The following ZNF570 variants were observed in gnomAD, a reference collection of about 807,000 sequenced individuals.
ZNF570 encodes zinc finger protein 570.
In ZNF570, 8 loss-of-function variants were observed where a neutral mutation model predicts 14.2. The ratio of observed to expected loss-of-function variants is 0.56; its 90% CI spans 0.33 to 1.02. The LOEUF is 1.02. Ranked by LOEUF, ZNF570 falls within the 50% of genes least tolerant of loss-of-function variation. The pLI, the probability that ZNF570 is intolerant of heterozygous loss-of-function variation, is 0.03. For missense variants in ZNF570, 559 were observed against 624.9 expected (o/e 0.89, Z 1.12); for synonymous variants, 202 against 207.6 (o/e 0.97, Z 0.23).
In ZNF570 at chr19:37,485,396, C is replaced by A; in HGVS notation, c.*163C>A. 1 of 666,114 alleles carries A rather than the reference C, an allele frequency of 1.5e-6. No homozygotes were observed. The highest frequency in any genetic ancestry group is 2.3e-6 in the Non-Finnish European group (1 of 440,134). The allele number at this position is 666,114 out of a possible 1,614,324, so 41.3% of individuals were successfully genotyped here. The stretch of plus-strand genomic sequence containing the variant: ...ATCCATTTCCCACAATGCACTCAAA[C>A]GGATCTTTTTTTTCTTTTTTTTTCT... On this transcript the variant is annotated 3_prime_UTR_variant, in exon 5 of 5. Coordinates refer to ENST00000330173, the MANE Select transcript of ZNF570 (RefSeq NM_144694.5).
In ZNF570 at chr19:37,484,159, A is replaced by C. The variant is rs1354770560; in HGVS notation, c.537A>C (p.Thr179=). The C allele has an allele frequency of 6.2e-7, 1 of 1,613,658 alleles. No homozygotes were observed. Among genetic ancestry groups the C allele is most frequent in the African/African-American group, 1.3e-5 (1 of 74,884 alleles). Residue 179 remains threonine, a synonymous_variant, in exon 5 of 5, where the codon ACA becomes ACC. Transcript: ENST00000330173. ...TTCATCAGAACCCACTGCTTTGTAC[A>C]CAAAAGATAATCCCCAAAGAGGAGA... is the stretch of plus-strand genomic sequence containing the variant. ...GSFHQNPLLC[T]QKIIPKEEKV...
At position 37,486,958 on chromosome 19, in the gene ZNF570, C is replaced by G. The variant is rs1458060159; in HGVS notation, c.*1725C>G. The G allele has an allele frequency of 1.3e-5, 2 of 152,186 alleles. No individual in the cohort carries two copies. The highest frequency in any genetic ancestry group is 1.3e-4 in the Admixed American group (2 of 15,268). 9.4% of individuals were successfully genotyped at this position (152,186 alleles called of 1,614,324 possible). The stretch of plus-strand genomic sequence containing the variant: ...GTAGCTCATTCCTGTAATCCCAGCA[C>G]TTTGGGAGGCCGAGGTGGGTGGATT... On this transcript the variant is annotated 3_prime_UTR_variant, in exon 5 of 5. Coordinates refer to ENST00000330173, the MANE Select transcript of ZNF570 (RefSeq NM_144694.5).
rs1398551136 is a variant in ZNF570 at position 37,484,253 on chromosome 19, G to A, written c.631G>A (p.Val211Ile). The A allele has an allele frequency of 6.2e-7, 1 of 1,613,794 alleles. No homozygotes were observed. Among genetic ancestry groups the A allele is most frequent in the Non-Finnish European group, 8.5e-7 (1 of 1,179,966 alleles). ...KNLMAIKPKS[V>I]CAEKKLLKCN... ...TTTAATGGCTATTAAGCCCAAGAGT[G>A]TCTGTGCAGAGAAGAAACTTTTGAA... is the stretch of plus-strand genomic sequence containing the variant. The change falls in exon 5 of 5, where the codon GTC (valine) becomes ATC (isoleucine). Residue 211 changes from valine (V) to isoleucine (I), a missense_variant. Transcript: ENST00000330173.
chr19:37,468,060 A>T (rs1600368130), upstream of ZNF570: 6 of 760,034 alleles, frequency 7.9e-6, no homozygotes, highest in Non-Finnish European at 1.3e-5. Context: ...TAACTTCTCT[A>T]TGCCTTTCGT....
chr19:37,484,390 C>T lies in ZNF570; in HGVS notation c.768C>T (p.Ser256=), dbSNP rs752060142. 1.2e-6 allele frequency: 2 copies of T among 1,613,998 alleles called. No homozygotes were observed. The highest frequency in any genetic ancestry group is 1.7e-6 in the Non-Finnish European group (2 of 1,179,990). The change falls in exon 5 of 5, where the codon AGC becomes AGT. Residue 256 remains serine (S), a synonymous_variant. Coordinates refer to ENST00000330173, the MANE Select transcript of ZNF570 (RefSeq NM_144694.5). ...GTATAGAGTGTGGAAAAGCCTTCAG[C>T]CAGAGATCAAATCTTGTTCAACATC... ...YKCIECGKAF[S]QRSNLVQHQR... is the part of the protein sequence containing the mutation.
chr19:37,468,676 T>G (rs2041894775), upstream of ZNF570, among the ~76,000 whole-genome samples: 1 of 152,162 alleles, frequency 6.6e-6, no homozygotes, highest in South Asian at 2.1e-4. Flanking sequence ...CGGCTAATTT[T>G]TTTGTATTTT....
At position 37,485,040 on chromosome 19, in the gene ZNF570, C is replaced by G. The variant is rs140841927; in HGVS notation, c.1418C>G (p.Thr473Ser). The change falls in exon 5 of 5, where the codon ACT (threonine) becomes AGT (serine). Residue 473 changes from threonine (T) to serine (S), a missense_variant. Transcript: ENST00000330173. ...ACTGGAGAGAAACCTTATGAATGTA[C>G]TGTTTGTGGAAAGGCTTTTAGTTAC... is the stretch of plus-strand genomic sequence containing the variant. ...VHTGEKPYEC[T>S]VCGKAFSYCG... 6.2e-7 allele frequency: 1 copy of G among 1,613,504 alleles called. No homozygotes were observed. Among genetic ancestry groups the G allele is most frequent in the African/African-American group, 1.3e-5 (1 of 74,730 alleles).
At chr19:37,472,194 G>A (rs1001935843) in intron 2 of ZNF570, among the ~76,000 whole-genome samples, 5 of 151,998 alleles carry the variant, frequency 3.3e-5, no homozygotes, top group East Asian at 1.9e-4. Context: ...ATGAGCCATC[G>A]CACTCGGCCC....
In ZNF570 at chr19:37,484,496, C is replaced by T. The variant is rs1228614234; in HGVS notation, c.874C>T (p.His292Tyr). The T allele has an allele frequency of 2.5e-6, 4 of 1,613,940 alleles. No individual in the cohort carries two copies. The highest frequency in any genetic ancestry group is 2.5e-6 in the Non-Finnish European group (3 of 1,179,940). ...CAGTCAGAATGCACACCTAGTTCAACATCTGCGAGTTCATACTGGAGAAAA... is the reference window on the plus strand; with the variant it reads ...CAGTCAGAATGCACACCTAGTTCAATATCTGCGAGTTCATACTGGAGAAAA... ...AFSQNAHLVQ[H>Y]LRVHTGEKPY... is the part of the protein sequence containing the mutation. The change falls in exon 5 of 5, where the codon CAT becomes TAT. Residue 292 changes from histidine to tyrosine, a missense_variant. Coordinates refer to ENST00000330173, the MANE Select transcript of ZNF570 (RefSeq NM_144694.5).
At chr19:37,472,878 T>C (rs2041984329) in intron 2 of ZNF570, among the ~76,000 whole-genome samples, 2 of 151,920 alleles carry the variant, frequency 1.3e-5, no homozygotes, top group South Asian at 4.1e-4. Flanking sequence ...AATTTGAAGA[T>C]GAATAGAGAA....
upstream of ZNF570, chr19:37,469,217 C>T: frequency 2.3e-6 from 3 of 1,313,468 alleles, no homozygotes; most frequent in East Asian, 3.2e-5. Context: ...TGTTACAAAC[C>T]CTGCGCGGAG....
In ZNF570 at chr19:37,476,359, A is replaced by T. The variant is rs750208460; in HGVS notation, c.181A>T (p.Ser61Cys). The T allele has an allele frequency of 6.2e-7, 1 of 1,613,912 alleles. No homozygotes were observed. Among genetic ancestry groups the T allele is most frequent in the Non-Finnish European group, 8.5e-7 (1 of 1,179,946 alleles). ...TGCAGGACTTTGCTTTTCCAAACCA[A>T]GTGTGATATTATTGTTGGAACAAGG... ...VSLGLCFSKPSVILLLEQGKA... is the reference protein window; with the variant it reads ...VSLGLCFSKPCVILLLEQGKA... Residue 61 changes from serine (S) to cysteine (C), a missense_variant, in exon 4 of 5, where the codon AGT (serine) becomes TGT (cysteine). Physicochemically the swap from Ser to Cys is moderately radical, Grantham distance 112. Transcript: ENST00000330173.
rs1442490296 is a variant in ZNF570, at chr19:37,484,607, C to T, written c.985C>T (p.Pro329Ser). The change falls in exon 5 of 5, where the codon CCC becomes TCC. Residue 329 changes from proline to serine, a missense_variant. Physicochemically the swap from Pro to Ser is moderately conservative, Grantham distance 74. Coordinates refer to ENST00000330173, the MANE Select transcript of ZNF570 (RefSeq NM_144694.5). Reference protein sequence around the residue: ...QHQRVHTGEKPYECIECGKAF... With the variant: ...QHQRVHTGEKSYECIECGKAF... ...TCAGAGAGTTCACACGGGAGAGAAA[C>T]CCTATGAATGTATCGAATGTGGGAA... 2 of 1,613,832 alleles carry T rather than the reference C, an allele frequency of 1.2e-6. No homozygotes were observed. The highest frequency in any genetic ancestry group is 1.1e-5 in the South Asian group (1 of 91,070).
intron 4 of ZNF570, among the ~76,000 whole-genome samples, chr19:37,482,628 C>T (rs541966556): frequency 6.6e-6 from 1 of 152,164 alleles, no homozygotes; most frequent in African/African-American, 2.4e-5. Flanking sequence ...AGCTGTATTA[C>T]CATCTGTTAC....
Position 37,470,757 on chromosome 19 carries a change from G to A in ZNF570, c.33+370G>A, listed in dbSNP as rs138770603. Among the ~76,000 whole-genome samples, 956 of 137,418 alleles carry A rather than the reference G, an allele frequency of 7.0e-3. 4 individuals carry two copies. Among genetic ancestry groups the A allele is most frequent in the Non-Finnish European group, 8.8e-3 (580 of 66,046 alleles). 90.2% of individuals were successfully genotyped at this position (137,418 alleles called of 152,430 possible). ...CACTCTGTTGCCAGGCTGGAGTGCA[G>A]TGGCGCAATATGGCTCACGGCAACA... is the stretch of plus-strand genomic sequence containing the variant. On this transcript the variant is annotated intron_variant, in intron 2 of 4. Transcript: ENST00000330173.
rs149665742 is a variant in ZNF570 at position 37,485,089 on chromosome 19, G to C, written c.1467G>C (p.Gln489His). 28 of 1,613,950 alleles carry C rather than the reference G, an allele frequency of 1.7e-5. No individual in the cohort carries two copies. The African/African-American group carries it at 3.6e-4, about 21-fold the overall frequency. ...FSYCGSLAQH[Q>H]RIHTGERPYE... is the part of the protein sequence containing the mutation. ...ACTGTGGATCCCTTGCCCAACATCA[G>C]AGAATTCATACTGGAGAGAGACCCT... Residue 489 changes from glutamine (Q) to histidine (H), a missense_variant, in exon 5 of 5, where the codon CAG becomes CAC. Coordinates refer to ENST00000330173, the MANE Select transcript of ZNF570 (RefSeq NM_144694.5).
chr19:37,471,098 C>T (rs1479163923), intron 2 of ZNF570, among the ~76,000 whole-genome samples: 1 of 147,108 alleles, frequency 6.8e-6, no homozygotes, highest in African/African-American at 2.5e-5. Context: ...ACTGCAAGCT[C>T]TGCCTCCCAG....
intron 2 of ZNF570, among the ~76,000 whole-genome samples, chr19:37,474,418 C>G (rs1209294368): frequency 6.6e-6 from 1 of 152,046 alleles, no homozygotes. Context: ...GGTGACTGAG[C>G]ATTGAACTTG....
At chr19:37,483,188 A>G (rs1176590687) in intron 4 of ZNF570, among the ~76,000 whole-genome samples, 1 of 152,172 alleles carries the variant, frequency 6.6e-6, no homozygotes, top group Non-Finnish European at 1.5e-5. Flanking sequence ...TTCCCCAGAC[A>G]TAGTAAACAT....
Sources: allele counts gnomAD v4.1 joint callset (sites outside exome capture counted in the v4.1 genomes callset), GRCh38; gene constraint gnomAD v4.1.1; transcripts MANE v1.5; gene names NCBI Gene and HGNC (gene_info 2026-07-23, HGNC 2026-07-21).